R3HDM2: variants seen among roughly 807,000 people sequenced by gnomAD.
The protein encoded by R3HDM2 is R3H domain-containing protein 2.
R3HDM2 carries 38 observed loss-of-function variants against 124.5 expected under a neutral mutation model. The ratio of observed to expected loss-of-function variants is 0.31; its 90% CI spans 0.24 to 0.40. The LOEUF (loss-of-function observed/expected upper bound fraction) is 0.40. Ranked by LOEUF, R3HDM2 falls within the 10% of genes least tolerant of loss-of-function variation. The pLI is 1.00. For missense variants in R3HDM2, 869 were observed against 1,236.9 expected (o/e 0.70, Z 4.46); for synonymous variants, 391 against 448.0 (o/e 0.87, Z 1.61).
rs1444034068 is a variant in R3HDM2, at chr12:57,296,520, A to C, written c.592T>G (p.Ser198Ala). Residue 198 changes from serine to alanine, a missense_variant, in exon 9 of 24, where the codon TCA becomes GCA. By Grantham distance (99) the Ser-to-Ala change is moderately conservative. Around this residue, in one of 2 missense-constraint regions of R3HDM2, gnomAD observed 267 missense variants for 447.7 expected, o/e 0.60. Coordinates refer to ENST00000402412, the MANE Select transcript of R3HDM2 (RefSeq NM_001394031.1). The surrounding 1 kb of genome is among the most constrained non-coding windows in gnomAD (Gnocchi z 4.5). ...NQFKKFPQMT[S>A]YHRMLLHRVA... ...CGGTGTAATAGCATCCGGTGATATGAGGTCATCTGAGGGAACTTCTTGAAC... is the reference window on the plus strand; with the variant it reads ...CGGTGTAATAGCATCCGGTGATATGCGGTCATCTGAGGGAACTTCTTGAAC... 6.4e-7 allele frequency: 1 copy of C among 1,551,934 alleles called. No individual in the cohort carries two copies. The highest frequency in any genetic ancestry group is 8.7e-7 in the Non-Finnish European group (1 of 1,147,016).
chr12:57,290,938 C>G (rs1023872939), intron 11 of R3HDM2, among the ~76,000 whole-genome samples: 3 of 152,186 alleles, frequency 2.0e-5, no homozygotes, highest in African/African-American at 7.2e-5. Context: ...AACCACCAAC[C>G]TGTTCCGTAC....
At chr12:57,411,620 G>A (rs1470722476) in intron 1 of R3HDM2, among the ~76,000 whole-genome samples, 3 of 152,150 alleles carry the variant, frequency 2.0e-5, no homozygotes, top group South Asian at 2.1e-4. Context: ...GACATGTCTG[G>A]TTTCATGTAG....
chr12:57,307,150 G>T (rs538759642), intron 3 of R3HDM2, among the ~76,000 whole-genome samples: 4 of 152,162 alleles, frequency 2.6e-5, no homozygotes, highest in Non-Finnish European at 5.9e-5. Flanking sequence ...CTGATCCCAA[G>T]GACATATCTC....
chr12:57,346,881 A>G (rs564974693), intron 2 of R3HDM2, among the ~76,000 whole-genome samples: 1 of 152,340 alleles, frequency 6.6e-6, no homozygotes, highest in African/African-American at 2.4e-5. Context: ...GAGGGATACG[A>G]AAGAAACCTA....
intron 2 of R3HDM2, among the ~76,000 whole-genome samples, chr12:57,384,874 C>T (rs1305756496): frequency 2.6e-5 from 4 of 152,028 alleles, no homozygotes; most frequent in Non-Finnish European, 2.9e-5. Context: ...CCAGGCCAGG[C>T]GTGGTCGCTC....
chr12:57,290,419 G>A (rs2048343385), intron 11 of R3HDM2, among the ~76,000 whole-genome samples: 1 of 152,142 alleles, frequency 6.6e-6, no homozygotes, highest in South Asian at 2.1e-4. Context: ...CAAATACTTA[G>A]CTCTTTTGCT....
At chr12:57,261,908 G>C (rs2040954966) in intron 19 of R3HDM2, among the ~76,000 whole-genome samples, 1 of 152,220 alleles carries the variant, frequency 6.6e-6, no homozygotes, top group African/African-American at 2.4e-5. Context: ...TGAAAGGAGA[G>C]GGGACGTGTG....
At chr12:57,354,584 G>A (rs1488992707) in intron 2 of R3HDM2, among the ~76,000 whole-genome samples, 1 of 151,690 alleles carries the variant, frequency 6.6e-6, no homozygotes, top group Non-Finnish European at 1.5e-5. Flanking sequence ...GTGAGCCACT[G>A]CACCCTGCCT....
intron 1 of R3HDM2, among the ~76,000 whole-genome samples, chr12:57,428,519 T>TGGGGGGCGTGGTG (rs1868585840): frequency 4.3e-4 from 3 of 7,050 alleles, no homozygotes; most frequent in Non-Finnish European, 9.0e-4. Flanking sequence ...GGGGGCGTGG[T>TGGGGGGCGTGGTG]GGGGGGGCAC....
chr12:57,417,316 CG>C (rs2069727998), intron 1 of R3HDM2, among the ~76,000 whole-genome samples: 1 of 149,900 alleles, frequency 6.7e-6, no homozygotes, highest in African/African-American at 2.5e-5. Context: ...GCCCAGGAAC[CG>C]GATGTTGCAG....
intron 2 of R3HDM2, among the ~76,000 whole-genome samples, chr12:57,374,828 C>T (rs1386156325): frequency 6.7e-6 from 1 of 149,440 alleles, no homozygotes; most frequent in African/African-American, 2.5e-5. Flanking sequence ...CCCGTCTCTA[C>T]TAAAAATACA....
chr12:57,303,616 GA>G (rs1247319769), intron 3 of R3HDM2, among the ~76,000 whole-genome samples: 1 of 150,770 alleles, frequency 6.6e-6, no homozygotes, highest in Non-Finnish European at 1.5e-5. Context: ...CAAAGAAAAA[GA>G]AAAAGAAAAA....
chr12:57,427,313 T>A (rs1324140310), intron 1 of R3HDM2, among the ~76,000 whole-genome samples: 3 of 135,928 alleles, frequency 2.2e-5, no homozygotes, highest in Non-Finnish European at 4.6e-5. Context: ...TAAATAATAA[T>A]AAAATAAAAT....
At chr12:57,380,129 A>G (rs2064638644) in intron 2 of R3HDM2, among the ~76,000 whole-genome samples, 1 of 152,208 alleles carries the variant, frequency 6.6e-6, no homozygotes, top group Admixed American at 6.5e-5. Context: ...AGGTAGGAAA[A>G]CGAAACCTTT....
chr12:57,304,368 G>A, intron 3 of R3HDM2: 1 of 320,502 alleles, frequency 3.1e-6, no homozygotes. Context: ...ATATGGGGAT[G>A]AGGCACTTAG....
chr12:57,330,694 C>CTTTTT (rs10571548), intron 2 of R3HDM2, among the ~76,000 whole-genome samples: 45 of 70,738 alleles, frequency 6.4e-4, no homozygotes, highest in African/African-American at 1.4e-3. Flanking sequence ...TAGGGCTTTT[C>CTTTTT]TTTTTTTTTT....
At chr12:57,393,010 T>G (rs1211643747) in intron 2 of R3HDM2, among the ~76,000 whole-genome samples, 2 of 152,082 alleles carry the variant, frequency 1.3e-5, no homozygotes, top group Admixed American at 6.6e-5. Flanking sequence ...TTCACCATGT[T>G]AGCCAGTATG....
intron 13 of R3HDM2, 62 bp downstream of exon 13, chr12:57,283,762 T>A: frequency 1.6e-5 from 24 of 1,497,642 alleles, no homozygotes; most frequent in South Asian, 1.2e-4. Context: ...ATATCAGTGA[T>A]GTTTCACAGG....
At chr12:57,372,473 T>A (rs1018788224) in intron 2 of R3HDM2, among the ~76,000 whole-genome samples, 1 of 152,180 alleles carries the variant, frequency 6.6e-6, no homozygotes, top group African/African-American at 2.4e-5. Context: ...TCCCAAGCTC[T>A]TTGCAATAAA....
Sources: gnomAD v4.1 joint callset for allele counts (sites outside exome capture counted in the v4.1 genomes callset) on GRCh38, gnomAD v4.1.1 for gene constraint, gnomAD v4.1.1 regional missense constraint, Gnocchi (gnomAD v3.1) non-coding constraint, MANE v1.5 for transcripts, NCBI Gene and HGNC (gene_info 2026-07-23, HGNC 2026-07-21) for gene names.